Variants in ULK4 observed in about 807,000 individuals in gnomAD.
ULK4 encodes inactive serine/threonine-protein kinase ULK4.
Under a neutral mutation model 160.6 loss-of-function variants are expected in ULK4, and 133 were observed. The ratio of observed to expected loss-of-function variants is 0.83; its 90% CI spans 0.72 to 0.96. ULK4 has a LOEUF of 0.96. ULK4 is among the 40% of genes least tolerant of loss of function. ULK4 has a pLI of 0.00. For synonymous variants in ULK4, 534 were observed against 539.8 expected, an observed-to-expected ratio of 0.99 and a Z score of 0.15; for missense variants, 1,580 against 1,499.5, an observed-to-expected ratio of 1.05 and a Z score of -0.89.
chr3:41,671,725 C>T (rs555613879), intron 29 of ULK4, among the ~76,000 whole-genome samples: 1 of 151,998 alleles, frequency 6.6e-6, no homozygotes, highest in Non-Finnish European at 1.5e-5. Context: ...ACAAATGGGA[C>T]TATATTAAAC....
chr3:41,544,257 A>G (rs1301853387), intron 32 of ULK4, among the ~76,000 whole-genome samples: 1 of 152,224 alleles, frequency 6.6e-6, no homozygotes, highest in Non-Finnish European at 1.5e-5. Context: ...TATTCCCTGT[A>G]GAGTCTGGCC....
At chr3:41,481,579 G>A (rs2084321924) in intron 32 of ULK4, among the ~76,000 whole-genome samples, 1 of 152,054 alleles carries the variant, frequency 6.6e-6, no homozygotes, top group Admixed American at 6.5e-5. Flanking sequence ...TGTAATCCCA[G>A]CACTTTGGGA....
intron 21 of ULK4, among the ~76,000 whole-genome samples, chr3:41,762,256 G>A (rs990254489): frequency 1.3e-5 from 2 of 150,954 alleles, no homozygotes; most frequent in African/African-American, 2.4e-5. Flanking sequence ...CTATATTTTT[G>A]TGCCCATTAA....
At chr3:41,581,967 T>A (rs964693884) in intron 31 of ULK4, among the ~76,000 whole-genome samples, 1 of 152,206 alleles carries the variant, frequency 6.6e-6, no homozygotes, top group African/African-American at 2.4e-5. Context: ...GGCTTATTAC[T>A]GTGAGCACCT....
intron 30 of ULK4, among the ~76,000 whole-genome samples, chr3:41,637,524 G>A (rs2034008217): frequency 6.6e-6 from 1 of 152,164 alleles, no homozygotes; most frequent in Non-Finnish European, 1.5e-5. Context: ...ATCTCTTTCA[G>A]ATAGTGATTT....
chr3:41,451,869 G>A (rs1429451190), intron 34 of ULK4, among the ~76,000 whole-genome samples: 1 of 152,134 alleles, frequency 6.6e-6, no homozygotes, highest in Non-Finnish European at 1.5e-5. Context: ...AACGGAAGGT[G>A]TCAGCCTAAA....
chr3:41,934,708 A>T (rs901902999), intron 4 of ULK4, among the ~76,000 whole-genome samples: 1 of 152,174 alleles, frequency 6.6e-6, no homozygotes, highest in Non-Finnish European at 1.5e-5. Context: ...TCATGACTCT[A>T]CTATACTGAA....
rs182250438 is a variant in ULK4, at chr3:41,718,538, C to T, written c.2322-677G>A. Among the ~76,000 whole-genome samples the T allele has an allele frequency of 1.1e-4, 17 of 152,228 alleles. No homozygotes were observed. The East Asian group carries it at 3.3e-3, about 29-fold the overall frequency. Reference sequence around the variant, plus strand: ...TTACTACAAACTTTTAGGTCCTCTCCACATTTTCTCCCCTTTGCTGGACCT... The same window carrying T: ...TTACTACAAACTTTTAGGTCCTCTCTACATTTTCTCCCCTTTGCTGGACCT... On this transcript the variant is annotated intron_variant, in intron 22 of 36. Transcript: ENST00000301831.
At chr3:41,647,998 G>A (rs1004061928) in intron 30 of ULK4, among the ~76,000 whole-genome samples, 1 of 152,240 alleles carries the variant, frequency 6.6e-6, no homozygotes, top group Non-Finnish European at 1.5e-5. Flanking sequence ...GACCCTCCGA[G>A]CCAGGTGCAG....
At chr3:41,545,277 T>C (rs2086821611) in intron 32 of ULK4, among the ~76,000 whole-genome samples, 1 of 152,226 alleles carries the variant, frequency 6.6e-6, no homozygotes, top group Non-Finnish European at 1.5e-5. Context: ...TTTCATCTGG[T>C]ATCTCTTCCT....
chr3:41,537,123 T>C (rs1328715002), intron 32 of ULK4, among the ~76,000 whole-genome samples: 2 of 152,176 alleles, frequency 1.3e-5, no homozygotes, highest in African/African-American at 4.8e-5. Flanking sequence ...TTTAAATTCC[T>C]CTGGTGTGGT....
intron 31 of ULK4, among the ~76,000 whole-genome samples, chr3:41,589,649 A>G (rs1320357339): frequency 6.6e-6 from 1 of 152,190 alleles, no homozygotes; most frequent in African/African-American, 2.4e-5. Flanking sequence ...GCACTTCTAA[A>G]TATGCCTTAA....
At chr3:41,524,774 T>C (rs1235397324) in intron 32 of ULK4, among the ~76,000 whole-genome samples, 1 of 151,826 alleles carries the variant, frequency 6.6e-6, no homozygotes, top group South Asian at 2.1e-4. Flanking sequence ...CCCGTCTCTA[T>C]AAAATACAAA....
chr3:41,718,605 C>T (rs2125847011), intron 22 of ULK4, among the ~76,000 whole-genome samples: 1 of 152,244 alleles, frequency 6.6e-6, no homozygotes, highest in South Asian at 2.1e-4. Flanking sequence ...CAACTCCCTA[C>T]AGGGCAACAA....
chr3:41,729,323 C>G (rs6763578), intron 22 of ULK4, among the ~76,000 whole-genome samples: 23 of 152,262 alleles, frequency 1.5e-4, no homozygotes, highest in Non-Finnish European at 2.5e-4. Flanking sequence ...TGAAGAATCT[C>G]GCACTCCTCA....
At chr3:41,779,654 C>T (rs1263473854) in intron 21 of ULK4, among the ~76,000 whole-genome samples, 3 of 12,348 alleles carry the variant, frequency 2.4e-4, no homozygotes, top group African/African-American at 1.2e-3. Context: ...ACTATGCAGC[C>T]ATAAAAAATG....
chr3:41,603,623 A>T (rs1273700500), intron 31 of ULK4, among the ~76,000 whole-genome samples: 2 of 152,058 alleles, frequency 1.3e-5, no homozygotes, highest in Non-Finnish European at 2.9e-5. Context: ...CATAAAGATA[A>T]AACAAATCAT....
At chr3:41,647,902 G>A (rs879780359) in intron 30 of ULK4, among the ~76,000 whole-genome samples, 13 of 152,212 alleles carry the variant, frequency 8.5e-5, no homozygotes, top group Non-Finnish European at 1.6e-4. Context: ...GAGCAATGGC[G>A]GGCGCCCCTC....
chr3:41,824,381 G>C (rs2041267359), intron 18 of ULK4, among the ~76,000 whole-genome samples: 1 of 152,046 alleles, frequency 6.6e-6, no homozygotes, highest in Admixed American at 6.5e-5. Context: ...GCCTCACCGG[G>C]GAAGCGCAAG....
Sources: allele counts gnomAD v4.1 joint callset (sites outside exome capture counted in the v4.1 genomes callset), GRCh38; gene constraint gnomAD v4.1.1; transcripts MANE v1.5; gene names NCBI Gene and HGNC (gene_info 2026-07-23, HGNC 2026-07-21).